Variants in PKIA observed in about 807,000 individuals in gnomAD.
The protein encoded by PKIA is cAMP-dependent protein kinase inhibitor alpha.
A neutral mutation model predicts 7.6 loss-of-function variants in PKIA; 4 were observed. The ratio of observed to expected loss-of-function variants is 0.52; its 90% CI spans 0.26 to 1.20. The LOEUF (loss-of-function observed/expected upper bound fraction) is 1.20. Ranked by LOEUF, PKIA falls within the 50% of genes most tolerant of loss-of-function variation. The pLI, the probability that PKIA is intolerant of heterozygous loss-of-function variation, is 0.13. For missense variants in PKIA, 73 were observed against 86.2 expected (o/e 0.85, Z 0.61); for synonymous variants, 21 against 30.7 (o/e 0.68, Z 1.04).
intron 2 of PKIA, among the ~76,000 whole-genome samples, chr8:78,585,913 G>A (rs958366261): frequency 1.1e-4 from 17 of 152,126 alleles, no homozygotes; most frequent in African/African-American, 4.1e-4. Flanking sequence ...GACTTTCCAC[G>A]TTGCTGTTCC....
intron 1 of PKIA, among the ~76,000 whole-genome samples, chr8:78,524,114 G>GTATAAACATTTATATTTATA (rs1334570180): frequency 1.8e-4 from 17 of 92,692 alleles, no homozygotes; most frequent in African/African-American, 5.7e-4. Flanking sequence ...ATAAATATAT[G>GTATAAACATTTATATTTATA]TATAAACATT....
At chr8:78,533,172 C>G (rs1372056921) in intron 1 of PKIA, among the ~76,000 whole-genome samples, 1 of 152,130 alleles carries the variant, frequency 6.6e-6, no homozygotes, top group Non-Finnish European at 1.5e-5. Context: ...ATGCCCTCTT[C>G]TCAACATCTT....
At chr8:78,524,825 C>T (rs1392987285) in intron 1 of PKIA, among the ~76,000 whole-genome samples, 1 of 151,818 alleles carries the variant, frequency 6.6e-6, no homozygotes, top group Non-Finnish European at 1.5e-5. Context: ...AAAATATCAA[C>T]AGCATAAAAA....
intron 1 of PKIA, among the ~76,000 whole-genome samples, chr8:78,560,669 T>G (rs974430474): frequency 1.3e-5 from 2 of 152,204 alleles, no homozygotes; most frequent in Non-Finnish European, 2.9e-5. Context: ...GGCCTTGATA[T>G]TTAGACCAAT....
chr8:78,585,660 C>G (rs1807934180), intron 2 of PKIA, among the ~76,000 whole-genome samples: 1 of 151,708 alleles, frequency 6.6e-6, no homozygotes, highest in Non-Finnish European at 1.5e-5. Flanking sequence ...TATGTTGAAA[C>G]ATGATCATAG....
intron 2 of PKIA, among the ~76,000 whole-genome samples, chr8:78,596,274 C>G (rs143064775): frequency 0.012 from 1,854 of 151,954 alleles, 42 homozygotes; most frequent in African/African-American, 0.042. Context: ...GTTTCACTCT[C>G]GCCGCCCAGG....
chr8:78,592,535 G>A (rs550893900), intron 2 of PKIA, among the ~76,000 whole-genome samples: 146 of 152,128 alleles, frequency 9.6e-4, no homozygotes, highest in Non-Finnish European at 1.7e-3. Context: ...TGTCTCTATT[G>A]TCTTTCATTC....
chr8:78,524,009 AAT>A (rs1262287007), intron 1 of PKIA, among the ~76,000 whole-genome samples: 4 of 89,710 alleles, frequency 4.5e-5, no homozygotes, highest in South Asian at 3.0e-4. Flanking sequence ...TTTATATATA[AAT>A]ATATATAAAC....
At chr8:78,531,926 T>C (rs1035790669) in intron 1 of PKIA, among the ~76,000 whole-genome samples, 8 of 152,126 alleles carry the variant, frequency 5.3e-5, no homozygotes, top group African/African-American at 1.9e-4. Context: ...ACTAATGAAG[T>C]ATGTGGTAAT....
chr8:78,555,645 A>T (rs1256910456), intron 1 of PKIA, among the ~76,000 whole-genome samples: 1 of 152,060 alleles, frequency 6.6e-6, no homozygotes, highest in Non-Finnish European at 1.5e-5. Flanking sequence ...CAAACTGGCC[A>T]ACAGTGAGAA....
intron 1 of PKIA, among the ~76,000 whole-genome samples, chr8:78,541,230 T>C (rs2118413056): frequency 6.6e-6 from 1 of 152,216 alleles, no homozygotes; most frequent in East Asian, 1.9e-4. Flanking sequence ...CATTTAACTC[T>C]CACAAGTATT....
intron 1 of PKIA, among the ~76,000 whole-genome samples, chr8:78,537,512 A>C (rs935718986): frequency 6.6e-6 from 1 of 152,032 alleles, no homozygotes; most frequent in South Asian, 2.1e-4. Context: ...AAAGTCTTCA[A>C]TTTTATCCAC....
intron 1 of PKIA, among the ~76,000 whole-genome samples, chr8:78,537,002 TAAG>T (rs1484774883): frequency 1.3e-5 from 2 of 151,824 alleles, no homozygotes; most frequent in Non-Finnish European, 2.9e-5. Context: ...TTTCCTTCTC[TAAG>T]AAGTGTCAGG....
At chr8:78,597,539 T>G (rs947191913) in intron 2 of PKIA, among the ~76,000 whole-genome samples, 3 of 152,134 alleles carry the variant, frequency 2.0e-5, no homozygotes. Flanking sequence ...CAGACAATGC[T>G]CTCACTTAGT....
chr8:78,563,563 A>G (rs1485581304), intron 1 of PKIA, among the ~76,000 whole-genome samples: 3 of 152,134 alleles, frequency 2.0e-5, no homozygotes, highest in Non-Finnish European at 4.4e-5. Flanking sequence ...TTTTTAAAAG[A>G]AGGAAAGAGT....
intron 2 of PKIA, among the ~76,000 whole-genome samples, chr8:78,581,500 C>G (rs963512882): frequency 2.4e-4 from 36 of 151,910 alleles, no homozygotes; most frequent in Admixed American, 2.3e-3. Flanking sequence ...ATTAGTATCC[C>G]AATAAGGGTA....
rs1210774326 is a variant in PKIA at position 78,603,516 on chromosome 8, T to C, written c.*1695T>C. 6.6e-6 allele frequency: 1 copy of C among 152,002 alleles called. No homozygotes were observed. The highest frequency in any genetic ancestry group is 1.5e-5 in the Non-Finnish European group (1 of 67,970). The allele number at this position is 152,002 out of a possible 1,614,324, so 9.4% of individuals were successfully genotyped here. A position where few individuals can be genotyped will look rare whatever the true frequency, so the allele number is the denominator to read the frequency against. ...ATTACTAGAAAAAAAATTAATAATGTGAGCCTTTCCGAGAGCAGAACGAGG... is the reference window on the plus strand; with the variant it reads ...ATTACTAGAAAAAAAATTAATAATGCGAGCCTTTCCGAGAGCAGAACGAGG... On this transcript the variant is annotated 3_prime_UTR_variant, in exon 4 of 4. Coordinates refer to ENST00000396418, the MANE Select transcript of PKIA (RefSeq NM_006823.4).
intron 1 of PKIA, among the ~76,000 whole-genome samples, chr8:78,531,209 CAA>C (rs1389112741): frequency 6.6e-6 from 1 of 152,022 alleles, no homozygotes; most frequent in Non-Finnish European, 1.5e-5. Context: ...TCAGCCAAAT[CAA>C]AAAGTTTATG....
intron 2 of PKIA, among the ~76,000 whole-genome samples, chr8:78,585,678 T>C (rs916948230): frequency 6.6e-6 from 1 of 151,940 alleles, no homozygotes; most frequent in Admixed American, 6.6e-5. Flanking sequence ...TAGCAACTGT[T>C]TTTCTTTTTG....
Sources: gnomAD v4.1 joint callset for allele counts (sites outside exome capture counted in the v4.1 genomes callset) on GRCh38, gnomAD v4.1.1 for gene constraint, MANE v1.5 for transcripts, NCBI Gene and HGNC (gene_info 2026-07-23, HGNC 2026-07-21) for gene names.